Variants in GMDS observed in about 807,000 individuals in gnomAD.
GMDS encodes GDP-mannose 4,6 dehydratase.
A neutral mutation model predicts 49.9 loss-of-function variants in GMDS; 20 were observed. The observed-to-expected ratio is 0.40, with a 90% CI of 0.28 to 0.58. The LOEUF (loss-of-function observed/expected upper bound fraction) is 0.58, where lower values mean the gene tolerates loss of function less well. Ranked by LOEUF, GMDS falls within the 20% of genes least tolerant of loss-of-function variation. The pLI is 0.42. For missense variants in GMDS, 362 were observed against 481.4 expected, an observed-to-expected ratio of 0.75 and a Z score of 2.32; for synonymous variants, 177 against 178.6, an observed-to-expected ratio of 0.99 and a Z score of 0.07.
intron 7 of GMDS, among the ~76,000 whole-genome samples, chr6:1,760,176 C>T (rs1345281946): frequency 6.6e-6 from 1 of 152,202 alleles, no homozygotes; most frequent in Non-Finnish European, 1.5e-5. Context: ...ATCCTCCTTT[C>T]CCATTCCTGC....
chr6:1,825,680 G>A (rs904506028), intron 7 of GMDS, among the ~76,000 whole-genome samples: 35 of 152,210 alleles, frequency 2.3e-4, no homozygotes, highest in African/African-American at 7.7e-4. Flanking sequence ...TAAACATTTC[G>A]AAACAGTTTT....
intron 1 of GMDS, among the ~76,000 whole-genome samples, chr6:2,214,990 G>A (rs572109477): frequency 6.6e-6 from 1 of 152,260 alleles, no homozygotes; most frequent in Admixed American, 6.5e-5. Context: ...ATGTAAGTAC[G>A]TTAAGACCAA....
chr6:2,141,865 G>GCCCTCTCTCT (rs1776308590), intron 1 of GMDS, among the ~76,000 whole-genome samples: 1 of 145,592 alleles, frequency 6.9e-6, no homozygotes, highest in African/African-American at 2.6e-5. Context: ...GGTTGTGCGT[G>GCCCTCTCTCT]CTCTCTCTCT....
intron 7 of GMDS, among the ~76,000 whole-genome samples, chr6:1,820,755 A>G (rs916934476): frequency 6.6e-5 from 10 of 152,204 alleles, no homozygotes; most frequent in African/African-American, 2.4e-4. Flanking sequence ...AATAAGCACT[A>G]TAGTTTACAT....
At position 1,774,309 on chromosome 6, in the gene GMDS, C is replaced by T. The variant is rs185490975; in HGVS notation, c.772-31723G>A. 6.5e-3 allele frequency among the ~76,000 whole-genome samples: 993 copies of T among 152,344 alleles called. 4 individuals carry two copies. Among genetic ancestry groups the T allele is most frequent in the Non-Finnish European group, 0.012 (816 of 68,032 alleles). The stretch of plus-strand genomic sequence containing the variant: ...TCACATGTCACAGGCTAACCACCCC[C>T]GCTGCGGAAATCACAGCATCTATCA... On this transcript the variant is annotated intron_variant, in intron 7 of 10. Coordinates refer to ENST00000380815, the MANE Select transcript of GMDS (RefSeq NM_001500.4).
chr6:1,760,134 T>G (rs532687869), intron 7 of GMDS, among the ~76,000 whole-genome samples: 4 of 151,036 alleles, frequency 2.6e-5, no homozygotes, highest in African/African-American at 9.7e-5. Flanking sequence ...AGGGAGGGAG[T>G]GAGGGAGATG....
intron 9 of GMDS, among the ~76,000 whole-genome samples, chr6:1,644,652 C>A (rs1763432671): frequency 6.6e-6 from 1 of 152,206 alleles, no homozygotes. Context: ...GCTGCCCGCC[C>A]AGGAAGGAGA....
At chr6:1,899,698 CA>C (rs1760400527) in intron 7 of GMDS, among the ~76,000 whole-genome samples, 1 of 152,226 alleles carries the variant, frequency 6.6e-6, no homozygotes, top group African/African-American at 2.4e-5. Context: ...GTTTTGTAAA[CA>C]TGACCTAATC....
At chr6:1,728,669 T>C (rs971410984) in intron 8 of GMDS, among the ~76,000 whole-genome samples, 1 of 152,170 alleles carries the variant, frequency 6.6e-6, no homozygotes, top group Non-Finnish European at 1.5e-5. Flanking sequence ...AGAGCTTTTC[T>C]TGTTTTAGGA....
At chr6:2,117,345 A>G in intron 3 of GMDS, 124 bp downstream of exon 3, 1 of 680,072 alleles carries the variant, frequency 1.5e-6, no homozygotes, top group South Asian at 1.7e-5. Flanking sequence ...GCAGTAATTC[A>G]TGGGTAAGTA....
At position 1,642,140 on chromosome 6, in the gene GMDS, G is replaced by A. The variant is rs79339331; in HGVS notation, c.988-17600C>T. ...GCAAGCCTCAATTCTCTTGAAATCT[G>A]GGCAGTTTCCATCTTTTTTTTTTTT... On this transcript the variant is annotated intron_variant, in intron 9 of 10. Coordinates refer to ENST00000380815, the MANE Select transcript of GMDS (RefSeq NM_001500.4). 5.6e-3 allele frequency among the ~76,000 whole-genome samples: 822 copies of A among 147,778 alleles called. 2 individuals carry two copies. Among genetic ancestry groups the A allele is most frequent in the African/African-American group, 0.019 (761 of 39,914 alleles).
intron 1 of GMDS, among the ~76,000 whole-genome samples, chr6:2,126,220 G>T (rs1356486464): frequency 6.6e-6 from 1 of 152,082 alleles, no homozygotes; most frequent in African/African-American, 2.4e-5. Flanking sequence ...TTTTGCAGTC[G>T]ATCCCATAAC....
At chr6:1,876,945 C>T (rs1289597085) in intron 7 of GMDS, among the ~76,000 whole-genome samples, 1 of 152,158 alleles carries the variant, frequency 6.6e-6, no homozygotes, top group Non-Finnish European at 1.5e-5. Context: ...GCTGAAACAC[C>T]AGTGTGATCT....
intron 7 of GMDS, among the ~76,000 whole-genome samples, chr6:1,842,001 C>T (rs1757171992): frequency 6.6e-6 from 1 of 152,318 alleles, no homozygotes; most frequent in African/African-American, 2.4e-5. Context: ...ATTCAGACTT[C>T]TACGTGACAC....
intron 3 of GMDS, 53 bp from the exon 4 acceptor site, chr6:2,115,933 T>A: frequency 4.8e-6 from 5 of 1,034,304 alleles, no homozygotes; most frequent in Non-Finnish European, 7.6e-6. Flanking sequence ...ATAAGCTCAA[T>A]TTTTAAAAAC....
intron 7 of GMDS, among the ~76,000 whole-genome samples, chr6:1,763,653 C>G (rs1431673399): frequency 6.6e-6 from 1 of 152,168 alleles, no homozygotes; most frequent in African/African-American, 2.4e-5. Flanking sequence ...TTTTAAAGAT[C>G]TAGTATTTCT....
intron 1 of GMDS, among the ~76,000 whole-genome samples, chr6:2,141,833 T>C (rs1776306451): frequency 6.6e-6 from 1 of 151,028 alleles, no homozygotes; most frequent in African/African-American, 2.4e-5. Flanking sequence ...AACGACACAC[T>C]GGGAAGTCTG....
intron 7 of GMDS, among the ~76,000 whole-genome samples, chr6:1,763,604 G>C (rs1252916907): frequency 6.6e-6 from 1 of 152,180 alleles, no homozygotes. Context: ...CTTTCACATA[G>C]ATTGCCCTGT....
chr6:2,156,942 A>G (rs1482957977), intron 1 of GMDS, among the ~76,000 whole-genome samples: 1 of 152,224 alleles, frequency 6.6e-6, no homozygotes. Context: ...TGAACATAAA[A>G]CTATCAACAA....
Sources: allele counts gnomAD v4.1 joint callset (sites outside exome capture counted in the v4.1 genomes callset), GRCh38; gene constraint gnomAD v4.1.1; transcripts MANE v1.5; gene names NCBI Gene and HGNC (gene_info 2026-07-23, HGNC 2026-07-21).